Variants in SHISA6 observed in about 807,000 individuals in gnomAD.
The protein encoded by SHISA6 is shisa family member 6, also known as protein shisa-6.
In SHISA6, 22 loss-of-function variants were observed where a neutral mutation model predicts 47.9. That is an observed-to-expected ratio of 0.46 (90% confidence interval 0.33 to 0.66). The LOEUF (loss-of-function observed/expected upper bound fraction) is 0.66. Ranked by LOEUF, SHISA6 falls within the 30% of genes least tolerant of loss-of-function variation. The pLI, the probability that SHISA6 is intolerant of heterozygous loss-of-function variation, is 0.02. For synonymous variants in SHISA6, 388 were observed against 337.8 expected (o/e 1.15, Z -1.63); for missense variants, 680 against 764.6 (o/e 0.89, Z 1.30).
At position 11,411,933 on chromosome 17, in the gene SHISA6, T is replaced by C. The variant is rs371942297; in HGVS notation, c.895+32424T>C. On this transcript the variant is annotated intron_variant, in intron 3 of 5. Transcript: ENST00000441885. ...TTATTTTCCTTAATTCATAAATGCC[T>C]ACCAATGTATGATTGTTTTTAGAAA... 2.7e-4 allele frequency among the ~76,000 whole-genome samples: 41 copies of C among 152,344 alleles called. No individual in the cohort carries two copies. In the South Asian group the frequency reaches 6.8e-3, roughly 25 times the overall value.
rs555071968 is a variant in SHISA6, at chr17:11,412,698, T to C, written c.895+33189T>C. On this transcript the variant is annotated intron_variant, in intron 3 of 5. Transcript: ENST00000441885. ...CTGGGACTACAGGCACCGGCCACCG[T>C]GCCGGGCTAATTTTTTGTATTTTTA... is the stretch of plus-strand genomic sequence containing the variant. Among the ~76,000 whole-genome samples, 196 of 152,110 alleles carry C rather than the reference T, an allele frequency of 1.3e-3. 1 individual carries two copies. The highest frequency in any genetic ancestry group is 3.7e-3 in the East Asian group (19 of 5,150).
intron 2 of SHISA6, among the ~76,000 whole-genome samples, chr17:11,270,187 G>T (rs1350552461): frequency 6.6e-6 from 1 of 152,164 alleles, no homozygotes; most frequent in African/African-American, 2.4e-5. Flanking sequence ...TGTTGGTCAG[G>T]CTAGTCTCAA....
intron 2 of SHISA6, among the ~76,000 whole-genome samples, chr17:11,268,083 G>T (rs991105599): frequency 1.3e-5 from 2 of 152,082 alleles, no homozygotes; most frequent in East Asian, 3.9e-4. Flanking sequence ...CCCATTCCTG[G>T]CAGTAGCAAT....
chr17:11,460,944 G>A (rs905370460), intron 3 of SHISA6, among the ~76,000 whole-genome samples: 6 of 152,160 alleles, frequency 3.9e-5, no homozygotes, highest in Admixed American at 1.3e-4. Context: ...TCACAAATGT[G>A]CTTACAACAT....
intron 2 of SHISA6, among the ~76,000 whole-genome samples, chr17:11,277,382 A>G (rs1464761110): frequency 6.6e-6 from 1 of 151,830 alleles, no homozygotes; most frequent in East Asian, 1.9e-4. Flanking sequence ...AGCCATGGGC[A>G]TATCTCATCA....
At chr17:11,522,167 G>A (rs564299501) in intron 3 of SHISA6, among the ~76,000 whole-genome samples, 7 of 151,790 alleles carry the variant, frequency 4.6e-5, no homozygotes, top group East Asian at 2.0e-4. Context: ...GGGTTTCACC[G>A]TGTTAGCCAC....
In SHISA6 at chr17:11,534,999, G is replaced by A. The variant is rs569074089; in HGVS notation, c.896-16897G>A. Among the ~76,000 whole-genome samples, 68 of 152,130 alleles carry A rather than the reference G, an allele frequency of 4.5e-4. 1 individual carries two copies. The highest frequency in any genetic ancestry group is 2.1e-3 in the South Asian group (10 of 4,814). ...AAAAATTAGCCATGCGTGGTGGCAG[G>A]CACCTGTAACCCCAGCTACTCGGGA... is the stretch of plus-strand genomic sequence containing the variant. On this transcript the variant is annotated intron_variant, in intron 3 of 5. Coordinates refer to ENST00000441885, the MANE Select transcript of SHISA6 (RefSeq NM_207386.4).
intron 3 of SHISA6, among the ~76,000 whole-genome samples, chr17:11,454,709 T>A (rs1438753661): frequency 6.6e-6 from 1 of 152,230 alleles, no homozygotes; most frequent in Non-Finnish European, 1.5e-5. Flanking sequence ...AGGCCCTTCA[T>A]GTCCATCATG....
At chr17:11,455,230 A>G (rs1409974847) in intron 3 of SHISA6, among the ~76,000 whole-genome samples, 2 of 152,158 alleles carry the variant, frequency 1.3e-5, no homozygotes, top group African/African-American at 4.8e-5. Context: ...ACTCAATGCA[A>G]TGTCATCCTG....
intron 3 of SHISA6, among the ~76,000 whole-genome samples, chr17:11,459,154 G>A (rs1160656537): frequency 6.7e-6 from 1 of 149,688 alleles, no homozygotes; most frequent in Non-Finnish European, 1.5e-5. Context: ...GGGAGGTGGA[G>A]CTTGCAGTGA....
At chr17:11,529,108 G>A (rs139490240) in intron 3 of SHISA6, among the ~76,000 whole-genome samples, 1,872 of 151,914 alleles carry the variant, frequency 0.012, 51 homozygotes, top group African/African-American at 0.042. Flanking sequence ...CAGGAGAATC[G>A]CGTGAACCCA....
At position 11,241,484 on chromosome 17, in the gene SHISA6, C is replaced by T. The variant is rs1907323775; in HGVS notation, c.62C>T (p.Pro21Leu). 8.5e-7 allele frequency: 1 copy of T among 1,180,398 alleles called. No homozygotes were observed. Among genetic ancestry groups the T allele is most frequent in the African/African-American group, 1.7e-5 (1 of 60,600 alleles). The allele number at this position is 1,180,398 out of a possible 1,614,324, so 73.1% of individuals were successfully genotyped here. The change falls in exon 1 of 6, where the codon CCC becomes CTC. Residue 21 changes from proline (P) to leucine (L), a missense_variant. Physicochemically the swap from Pro to Leu is moderately conservative, Grantham distance 98 (BLOSUM62 -3). Transcript: ENST00000441885. The surrounding 1 kb of genome is among the most constrained non-coding windows in gnomAD (Gnocchi z 5.5). ...LLSLESLDLL[P>L]SVHGARGRAA... ...TCGCTGGAGTCCCTGGACCTGCTGC[C>T]CAGCGTCCACGGAGCCCGCGGCCGC...
chr17:11,516,556 T>C (rs1358284239), intron 3 of SHISA6, among the ~76,000 whole-genome samples: 3 of 152,166 alleles, frequency 2.0e-5, no homozygotes, highest in African/African-American at 7.2e-5. Flanking sequence ...AGGACCCCAA[T>C]ATATAGCATG....
At chr17:11,329,507 T>C (rs1911024744) in intron 2 of SHISA6, among the ~76,000 whole-genome samples, 1 of 152,054 alleles carries the variant, frequency 6.6e-6, no homozygotes, top group Non-Finnish European at 1.5e-5. Context: ...CCTTCCCAAC[T>C]CTTCCCTGCA....
intron 3 of SHISA6, among the ~76,000 whole-genome samples, chr17:11,461,283 G>A (rs967049623): frequency 1.3e-5 from 2 of 151,556 alleles, no homozygotes; most frequent in African/African-American, 4.8e-5. Flanking sequence ...TGTAGTCCCA[G>A]CTACTCAGGA....
intron 2 of SHISA6, among the ~76,000 whole-genome samples, chr17:11,282,179 A>G (rs1909141517): frequency 6.6e-6 from 1 of 152,140 alleles, no homozygotes; most frequent in Admixed American, 6.5e-5. Context: ...GAGGTCCCCA[A>G]ACTTAACCTA....
At chr17:11,351,067 C>T (rs1180854710) in intron 2 of SHISA6, among the ~76,000 whole-genome samples, 1 of 152,052 alleles carries the variant, frequency 6.6e-6, no homozygotes, top group Non-Finnish European at 1.5e-5. Flanking sequence ...CACATGTTCT[C>T]ACTCATAAGT....
chr17:11,336,825 C>T (rs1911338124), intron 2 of SHISA6, among the ~76,000 whole-genome samples: 1 of 152,210 alleles, frequency 6.6e-6, no homozygotes, highest in African/African-American at 2.4e-5. Flanking sequence ...TGCTCTGTCA[C>T]CTCTGATTTC....
chr17:11,365,137 A>G (rs1323231781), intron 2 of SHISA6, among the ~76,000 whole-genome samples: 1 of 152,196 alleles, frequency 6.6e-6, no homozygotes, highest in Non-Finnish European at 1.5e-5. Flanking sequence ...GCTCATAAAT[A>G]CTTAGTATTA....
Sources: allele counts gnomAD v4.1 joint callset (sites outside exome capture counted in the v4.1 genomes callset), GRCh38; gene constraint gnomAD v4.1.1; non-coding constraint Gnocchi (gnomAD v3.1); transcripts MANE v1.5; gene names NCBI Gene and HGNC (gene_info 2026-07-23, HGNC 2026-07-21).